Variants in LRRC4C observed in about 807,000 individuals in gnomAD.
The protein encoded by LRRC4C is leucine-rich repeat-containing protein 4C.
A neutral mutation model predicts 33.6 loss-of-function variants in LRRC4C; 5 were observed. The ratio of observed to expected loss-of-function variants is 0.15; its 90% CI spans 0.08 to 0.31. The LOEUF (loss-of-function observed/expected upper bound fraction) is 0.31, where lower values mean the gene tolerates loss of function less well. LRRC4C is among the 10% of genes least tolerant of loss of function. The pLI is 1.00. For synonymous variants in LRRC4C, 329 were observed against 302.0 expected (o/e 1.09, Z -0.93); for missense variants, 560 against 796.7 (o/e 0.70, Z 3.58).
At chr11:40,964,427 TG>T (rs1159439025) in intron 1 of LRRC4C, among the ~76,000 whole-genome samples, 1 of 151,884 alleles carries the variant, frequency 6.6e-6, no homozygotes, top group East Asian at 1.9e-4. Context: ...CGTGCAGGTT[TG>T]TTACATATGT....
chr11:40,382,666 C>T (rs1178066302), intron 3 of LRRC4C, among the ~76,000 whole-genome samples: 13 of 115,122 alleles, frequency 1.1e-4, no homozygotes, highest in African/African-American at 4.0e-4. Context: ...TCATTTTGCA[C>T]AACTAAAACT....
chr11:41,165,247 C>G (rs997373377), intron 1 of LRRC4C, among the ~76,000 whole-genome samples: 10 of 152,042 alleles, frequency 6.6e-5, no homozygotes, highest in African/African-American at 2.4e-4. Context: ...GCCCCCAGGA[C>G]CTGGTGTTGA....
chr11:40,170,548 G>T (rs748750942), intron 5 of LRRC4C, among the ~76,000 whole-genome samples: 19 of 152,138 alleles, frequency 1.2e-4, no homozygotes, highest in Non-Finnish European at 2.8e-4. Flanking sequence ...GGAAGAAAAA[G>T]ATAATAAAAG....
chr11:40,893,501 A>C (rs1349899064), intron 2 of LRRC4C, among the ~76,000 whole-genome samples: 1 of 152,134 alleles, frequency 6.6e-6, no homozygotes, highest in Admixed American at 6.5e-5. Context: ...CCATAAATAT[A>C]TACATTATAT....
intron 2 of LRRC4C, among the ~76,000 whole-genome samples, chr11:40,770,886 C>T (rs1420133218): frequency 6.6e-6 from 1 of 152,154 alleles, no homozygotes; most frequent in Non-Finnish European, 1.5e-5. Context: ...ACTCCTGTGG[C>T]TTTGCAGGTT....
chr11:40,462,373 T>C (rs1046134989), intron 3 of LRRC4C, among the ~76,000 whole-genome samples: 2 of 152,144 alleles, frequency 1.3e-5, no homozygotes, highest in Non-Finnish European at 2.9e-5. Flanking sequence ...ATAGTTCAGA[T>C]GATTTGATGT....
chr11:40,224,756 T>C (rs967894605), intron 5 of LRRC4C, among the ~76,000 whole-genome samples: 1 of 152,242 alleles, frequency 6.6e-6, no homozygotes, highest in Non-Finnish European at 1.5e-5. Context: ...AGGCACTGAA[T>C]AAATTAATGT....
At chr11:40,851,845 T>C (rs1032172765) in intron 2 of LRRC4C, among the ~76,000 whole-genome samples, 8 of 152,222 alleles carry the variant, frequency 5.3e-5, no homozygotes, top group African/African-American at 1.9e-4. Flanking sequence ...CATCTGTCTT[T>C]AGGACCCTGG....
At chr11:41,404,663 C>T (rs1954162568) in intron 1 of LRRC4C, among the ~76,000 whole-genome samples, 1 of 152,088 alleles carries the variant, frequency 6.6e-6, no homozygotes, top group East Asian at 1.9e-4. Context: ...TAGTTTTGAA[C>T]AGTAATGATG....
intron 3 of LRRC4C, among the ~76,000 whole-genome samples, chr11:40,413,688 G>A (rs1398353769): frequency 6.6e-6 from 1 of 152,074 alleles, no homozygotes; most frequent in Non-Finnish European, 1.5e-5. Flanking sequence ...TAATAAATAT[G>A]CAGAAGATAT....
In LRRC4C at chr11:41,197,470, T is replaced by C. The variant is rs116817777; in HGVS notation, c.-496+261961A>G. Among the ~76,000 whole-genome samples the C allele has an allele frequency of 2.1e-3, 320 of 152,162 alleles. 2 individuals carry two copies. Among genetic ancestry groups the C allele is most frequent in the African/African-American group, 7.0e-3 (290 of 41,554 alleles). The stretch of plus-strand genomic sequence containing the variant: ...GCTTGTCCTACACATCACTGTGTCC[T>C]GTTCTCTAGAGGATTTGCAGGTGTG... On this transcript the variant is annotated intron_variant, in intron 1 of 6. Coordinates refer to ENST00000528697, the MANE Select transcript of LRRC4C (RefSeq NM_001258419.2).
intron 1 of LRRC4C, among the ~76,000 whole-genome samples, chr11:41,441,546 C>A (rs571780025): frequency 6.7e-6 from 1 of 149,338 alleles, no homozygotes; most frequent in East Asian, 2.0e-4. Flanking sequence ...TAGAGATACC[C>A]AAATTGACTC....
At chr11:40,819,695 C>A (rs555793243) in intron 2 of LRRC4C, among the ~76,000 whole-genome samples, 6 of 151,042 alleles carry the variant, frequency 4.0e-5, no homozygotes, top group African/African-American at 1.5e-4. Context: ...AAGGGTCCAG[C>A]AGAAAATAAA....
intron 1 of LRRC4C, among the ~76,000 whole-genome samples, chr11:41,188,015 A>G (rs912891992): frequency 6.6e-6 from 1 of 151,830 alleles, no homozygotes; most frequent in Non-Finnish European, 1.5e-5. Context: ...TCTCTTTTCC[A>G]TTCTCATGTT....
chr11:41,081,920 T>C (rs1939600157), intron 1 of LRRC4C, among the ~76,000 whole-genome samples: 1 of 152,198 alleles, frequency 6.6e-6, no homozygotes, highest in East Asian at 1.9e-4. Context: ...CTGGGATAGA[T>C]GTATTTATAC....
intron 2 of LRRC4C, among the ~76,000 whole-genome samples, chr11:40,723,016 A>C (rs1447160677): frequency 6.6e-6 from 1 of 152,186 alleles, no homozygotes; most frequent in Admixed American, 6.5e-5. Flanking sequence ...GAGCTTAAAG[A>C]ATAGTCCTTC....
chr11:40,852,118 T>C (rs906600793), intron 2 of LRRC4C, among the ~76,000 whole-genome samples: 3 of 150,616 alleles, frequency 2.0e-5, no homozygotes, highest in Admixed American at 6.7e-5. Flanking sequence ...TGAGCCACCA[T>C]GCACTACTAG....
chr11:40,975,294 A>G lies in LRRC4C; in HGVS notation c.-495-41571T>C, dbSNP rs145555392. Among the ~76,000 whole-genome samples, 28 of 152,304 alleles carry G rather than the reference A, an allele frequency of 1.8e-4. No individual in the cohort carries two copies. The East Asian group carries it at 4.8e-3, about 26-fold the overall frequency. ...ACACGTAATTGGCCAGATGGTTGTG[A>G]TCTTCCTTCTGAGTGAATTCACAGT... is the stretch of plus-strand genomic sequence containing the variant. On this transcript the variant is annotated intron_variant, in intron 1 of 6. Coordinates refer to ENST00000528697, the MANE Select transcript of LRRC4C (RefSeq NM_001258419.2).
At chr11:40,444,393 T>G (rs1171651768) in intron 3 of LRRC4C, among the ~76,000 whole-genome samples, 1 of 150,860 alleles carries the variant, frequency 6.6e-6, no homozygotes, top group African/African-American at 2.4e-5. Context: ...ATTATTATAC[T>G]TTAAGTTTTA....
Sources: allele counts gnomAD v4.1 joint callset (sites outside exome capture counted in the v4.1 genomes callset), GRCh38; gene constraint gnomAD v4.1.1; transcripts MANE v1.5; gene names NCBI Gene and HGNC (gene_info 2026-07-23, HGNC 2026-07-21).